LANCL3: variants seen among roughly 807,000 people sequenced by gnomAD.
LANCL3 encodes the protein LanC like family member 3.
Under a neutral mutation model 26.5 loss-of-function variants are expected in LANCL3, and 19 were observed. The ratio of observed to expected loss-of-function variants is 0.72; its 90% confidence interval spans 0.50 to 1.05. The LOEUF (loss-of-function observed/expected upper bound fraction) is 1.05. Among genes scored for constraint, LANCL3 ranks in the 50% least tolerant of loss-of-function variants. LANCL3 has a pLI of 0.00. For missense variants in LANCL3, 318 were observed against 362.7 expected (o/e 0.88, Z 1.00); for synonymous variants, 160 against 166.6 (o/e 0.96, Z 0.30).
intron 4 of LANCL3, among the ~76,000 whole-genome samples, chrX:37,670,271 A>G (rs1483774446): frequency 4.5e-5 from 5 of 111,628 alleles, no homozygotes; most frequent in African/African-American, 1.6e-4. Context: ...TATGCTGTAA[A>G]TACCTTCCTG....
At chrX:37,624,349 A>G (rs782767628) in intron 1 of LANCL3, among the ~76,000 whole-genome samples, 3 of 111,879 alleles carry the variant, frequency 2.7e-5, no homozygotes, top group South Asian at 3.7e-4. Flanking sequence ...AGTCTTTTGC[A>G]TATTATTGTA....
chrX:37,643,257 G>A (rs1275643020), intron 1 of LANCL3, among the ~76,000 whole-genome samples: 1 of 112,082 alleles, frequency 8.9e-6, no homozygotes, highest in African/African-American at 3.2e-5. Context: ...AATAGGACAA[G>A]TTGAACCTGT....
chrX:37,590,828 A>C (rs1188782740), intron 1 of LANCL3, among the ~76,000 whole-genome samples: 1 of 111,563 alleles, frequency 9.0e-6, no homozygotes, highest in African/African-American at 3.3e-5. Context: ...GTTAAAACAC[A>C]CATCGCTGGG....
At chrX:37,657,888 G>A (rs2146782175) in intron 2 of LANCL3, among the ~76,000 whole-genome samples, 1 of 111,526 alleles carries the variant, frequency 9.0e-6, no homozygotes, top group Non-Finnish European at 1.9e-5. Flanking sequence ...GTATGGCAAA[G>A]TAAAAGATCC....
At chrX:37,640,862 C>T (rs905186124) in intron 1 of LANCL3, among the ~76,000 whole-genome samples, 5 of 111,314 alleles carry the variant, frequency 4.5e-5, no homozygotes, top group Non-Finnish European at 7.5e-5. Context: ...ATAGAGCCAG[C>T]TCCCCCTGAA....
chrX:37,650,039 C>A (rs935374966), intron 1 of LANCL3, among the ~76,000 whole-genome samples: 2 of 110,638 alleles, frequency 1.8e-5, no homozygotes, highest in African/African-American at 6.6e-5. Flanking sequence ...TGGTGGTTCA[C>A]GCCTGTAATC....
At chrX:37,659,179 C>T (rs1190490938) in intron 2 of LANCL3, among the ~76,000 whole-genome samples, 2 of 112,513 alleles carry the variant, frequency 1.8e-5, no homozygotes, top group Non-Finnish European at 3.8e-5. Flanking sequence ...ACAAATACAA[C>T]ACTGCTGTTG....
chrX:37,610,596 C>T (rs1195659902), intron 1 of LANCL3, among the ~76,000 whole-genome samples: 1 of 111,920 alleles, frequency 8.9e-6, no homozygotes, highest in Non-Finnish European at 1.9e-5. Context: ...GCCCTTACTA[C>T]AAGGCCAGTC....
chrX:37,620,381 T>C (rs1447910043), intron 1 of LANCL3, among the ~76,000 whole-genome samples: 2 of 111,918 alleles, frequency 1.8e-5, no homozygotes, highest in African/African-American at 6.5e-5. Context: ...AGATAACTGG[T>C]AACACTTGGC....
chrX:37,668,652 G>A (rs1556434953), intron 4 of LANCL3, among the ~76,000 whole-genome samples: 1 of 111,525 alleles, frequency 9.0e-6, no homozygotes, highest in Non-Finnish European at 1.9e-5. Context: ...AAGCCAGAGT[G>A]TTCTCTCATA....
In LANCL3 at chrX:37,679,464, A is replaced by C. The variant is rs1262631254; in HGVS notation, c.*3651A>C. 3 of 111,886 alleles carry C rather than the reference A, an allele frequency of 2.7e-5. No individual in the cohort carries two copies. Among genetic ancestry groups the C allele is most frequent in the African/African-American group, 9.7e-5 (3 of 30,802 alleles). The allele number at this position is 111,886 out of a possible 1,213,427, so 9.2% of individuals were successfully genotyped here. A position where few individuals can be genotyped will look rare whatever the true frequency, so the allele number is the denominator to read the frequency against. ...CTCAGGAGCTCCTTTTAATGCAAAT[A>C]TTTATTTTGCTTGCTGAGAACAAAG... On this transcript the variant is annotated 3_prime_UTR_variant, in exon 5 of 5. Transcript: ENST00000378619.
At chrX:37,631,129 T>G (rs1406540455) in intron 1 of LANCL3, among the ~76,000 whole-genome samples, 2 of 111,984 alleles carry the variant, frequency 1.8e-5, no homozygotes, top group African/African-American at 3.2e-5. Flanking sequence ...GAATTTCAGA[T>G]CCTGTTATTG....
rs1013078239 is a variant in LANCL3 at position 37,678,956 on chromosome X, A to G, written c.*3143A>G. 3.6e-5 allele frequency: 4 copies of G among 111,847 alleles called. No homozygotes were observed. Among genetic ancestry groups the G allele is most frequent in the Non-Finnish European group, 5.6e-5 (3 of 53,123 alleles). 9.2% of individuals were successfully genotyped at this position (111,847 alleles called of 1,213,427 possible). A position where few individuals can be genotyped will look rare whatever the true frequency, so the allele number is the denominator to read the frequency against. ...GAAAGAGCGAACCTCAGTAACTTCAATGAAACAAATGGGTTTGTGATTTCT... is the reference window on the plus strand; with the variant it reads ...GAAAGAGCGAACCTCAGTAACTTCAGTGAAACAAATGGGTTTGTGATTTCT... On this transcript the variant is annotated 3_prime_UTR_variant, in exon 5 of 5. Coordinates refer to ENST00000378619, the MANE Select transcript of LANCL3 (RefSeq NM_001170331.2).
At chrX:37,579,813 G>T (rs1398966439) in intron 1 of LANCL3, among the ~76,000 whole-genome samples, 1 of 111,400 alleles carries the variant, frequency 9.0e-6, no homozygotes, top group African/African-American at 3.3e-5. Context: ...CTGGGTCAAA[G>T]TTTACCAATA....
chrX:37,576,436 G>C (rs1270479022), intron 1 of LANCL3, among the ~76,000 whole-genome samples: 2 of 111,706 alleles, frequency 1.8e-5, no homozygotes, highest in East Asian at 2.8e-4. Flanking sequence ...GCAGACAACG[G>C]CAGAGGGATT....
At chrX:37,609,700 A>T (rs1297281020) in intron 1 of LANCL3, among the ~76,000 whole-genome samples, 1 of 110,663 alleles carries the variant, frequency 9.0e-6, no homozygotes, top group African/African-American at 3.3e-5. Flanking sequence ...ATAAAAAAAA[A>T]CCCCTATATG....
intron 1 of LANCL3, among the ~76,000 whole-genome samples, chrX:37,631,515 G>C (rs1925511305): frequency 9.0e-6 from 1 of 111,154 alleles, no homozygotes; most frequent in Admixed American, 9.6e-5. Context: ...GTTTGCTCTT[G>C]CTTTTCTAGT....
At chrX:37,657,905 G>A in intron 2 of LANCL3, among the ~76,000 whole-genome samples, 1 of 111,631 alleles carries the variant, frequency 9.0e-6, no homozygotes, top group Non-Finnish European at 1.9e-5. Flanking sequence ...ATCCCTGAAT[G>A]CAAAAAGAAA....
chrX:37,598,910 C>G (rs1446703835), intron 1 of LANCL3, among the ~76,000 whole-genome samples: 1 of 112,244 alleles, frequency 8.9e-6, no homozygotes, highest in African/African-American at 3.2e-5. Context: ...GCACAGACCA[C>G]GAGAGTCACG....
Sources: gnomAD v4.1 joint callset for allele counts (sites outside exome capture counted in the v4.1 genomes callset) on GRCh38, gnomAD v4.1.1 for gene constraint, MANE v1.5 for transcripts, NCBI Gene and HGNC (gene_info 2026-07-23, HGNC 2026-07-21) for gene names.